TAFA2: variants seen among roughly 807,000 people sequenced by gnomAD.
TAFA2 encodes the protein chemokine-like protein TAFA-2.
A neutral mutation model predicts 18.8 loss-of-function variants in TAFA2; 7 were observed. That is an observed-to-expected ratio of 0.37 (90% confidence interval 0.21 to 0.70). The LOEUF (loss-of-function observed/expected upper bound fraction) is 0.70. Ranked by LOEUF, TAFA2 falls within the 30% of genes least tolerant of loss-of-function variation. The probability of loss-of-function intolerance (pLI) is 0.53; values close to 1 mark genes in which losing one functional copy is unlikely to be tolerated. For missense variants in TAFA2, 122 were observed against 158.1 expected, an observed-to-expected ratio of 0.77 and a Z score of 1.23; for synonymous variants, 60 against 54.2, an observed-to-expected ratio of 1.11 and a Z score of -0.47.
intron 2 of TAFA2, among the ~76,000 whole-genome samples, chr12:61,846,821 A>G (rs1873424345): frequency 1.3e-5 from 2 of 152,190 alleles, no homozygotes; most frequent in African/African-American, 4.8e-5. Flanking sequence ...AGCGATTTCA[A>G]TAACTGTGAC....
At chr12:61,776,568 G>C (rs763575899) in intron 2 of TAFA2, among the ~76,000 whole-genome samples, 1 of 151,752 alleles carries the variant, frequency 6.6e-6, no homozygotes, top group Non-Finnish European at 1.5e-5. Context: ...ATGGGGATTA[G>C]GAAATAATTC....
intron 2 of TAFA2, among the ~76,000 whole-genome samples, chr12:61,784,478 G>T (rs1270110173): frequency 6.6e-6 from 1 of 151,354 alleles, no homozygotes; most frequent in Non-Finnish European, 1.5e-5. Context: ...TAAAGGGTTG[G>T]GTTTCTTCGT....
chr12:62,180,757 G>A (rs1032435266), intron 1 of TAFA2, among the ~76,000 whole-genome samples: 4 of 151,992 alleles, frequency 2.6e-5, no homozygotes, highest in Admixed American at 2.6e-4. Flanking sequence ...TATCATTGAA[G>A]CCAAGAACAA....
chr12:62,143,591 T>C (rs1419956714), intron 1 of TAFA2, among the ~76,000 whole-genome samples: 1 of 152,100 alleles, frequency 6.6e-6, no homozygotes, highest in Admixed American at 6.5e-5. Flanking sequence ...TATGTGAAGG[T>C]AGCTGGCTAG....
intron 1 of TAFA2, among the ~76,000 whole-genome samples, chr12:62,217,685 T>C (rs1156624730): frequency 6.6e-6 from 1 of 152,200 alleles, no homozygotes; most frequent in Non-Finnish European, 1.5e-5. Context: ...TCCCTCGAGG[T>C]GGCTGAAGCC....
chr12:62,070,319 G>A (rs997392346), intron 1 of TAFA2: 1 of 152,124 alleles, frequency 6.6e-6, no homozygotes, highest in Non-Finnish European at 1.5e-5. Context: ...ATGTGAGAGA[G>A]AATATGCTAC....
At chr12:61,710,655 T>C (rs7398155) in intron 4 of TAFA2, among the ~76,000 whole-genome samples, 131,031 of 152,058 alleles carry the variant, frequency 0.86, 56,484 homozygotes, top group African/African-American at 0.9. Context: ...CAAGTGAATA[T>C]AACTGTGACT....
At chr12:61,729,068 C>A (rs1335414996) in intron 4 of TAFA2, among the ~76,000 whole-genome samples, 1 of 151,546 alleles carries the variant, frequency 6.6e-6, no homozygotes, top group African/African-American at 2.4e-5. Flanking sequence ...AAAAATAGCA[C>A]CCCAATCTCT....
At chr12:61,904,344 G>A (rs1432549521) in intron 1 of TAFA2, among the ~76,000 whole-genome samples, 2 of 152,058 alleles carry the variant, frequency 1.3e-5, no homozygotes, top group Non-Finnish European at 2.9e-5. Context: ...GTATTTAAGA[G>A]GCAGAGTAGA....
At chr12:61,950,141 A>G (rs1878416068) in intron 1 of TAFA2, among the ~76,000 whole-genome samples, 1 of 152,116 alleles carries the variant, frequency 6.6e-6, no homozygotes, top group Admixed American at 6.6e-5. Context: ...GCATATATAT[A>G]TCACATTTTT....
At chr12:61,872,207 G>A (rs1242904519) in intron 1 of TAFA2, among the ~76,000 whole-genome samples, 2 of 152,126 alleles carry the variant, frequency 1.3e-5, no homozygotes, top group African/African-American at 4.8e-5. Context: ...GTATAAAGGA[G>A]ATGTATAAAA....
chr12:61,921,593 G>A (rs1266459839), intron 1 of TAFA2, among the ~76,000 whole-genome samples: 1 of 152,046 alleles, frequency 6.6e-6, no homozygotes, highest in Non-Finnish European at 1.5e-5. Flanking sequence ...TTTTTTGTGT[G>A]CAGTGGGATC....
intron 1 of TAFA2, among the ~76,000 whole-genome samples, chr12:62,015,975 G>A (rs554168369): frequency 1.3e-5 from 2 of 152,244 alleles, no homozygotes; most frequent in South Asian, 4.1e-4. Flanking sequence ...TGATGGTAAT[G>A]GTTGCACAAC....
intron 2 of TAFA2, among the ~76,000 whole-genome samples, chr12:61,835,880 A>G (rs1251038798): frequency 6.6e-6 from 1 of 151,952 alleles, no homozygotes; most frequent in Non-Finnish European, 1.5e-5. Flanking sequence ...ACAGCCATGG[A>G]TAAGAGACAG....
At chr12:62,151,353 T>C (rs191205118) in intron 1 of TAFA2, among the ~76,000 whole-genome samples, 24 of 152,322 alleles carry the variant, frequency 1.6e-4, no homozygotes, top group Non-Finnish European at 1.5e-5. Flanking sequence ...TGCGGGTTAG[T>C]CCTTGGTTGA....
intron 1 of TAFA2, among the ~76,000 whole-genome samples, chr12:61,987,113 G>T (rs1315121225): frequency 6.6e-6 from 1 of 152,216 alleles, no homozygotes; most frequent in African/African-American, 2.4e-5. Context: ...TAAGCATCCA[G>T]TGTTGTGAGG....
At chr12:62,043,357 G>A (rs1477629464) in intron 1 of TAFA2, among the ~76,000 whole-genome samples, 3 of 151,668 alleles carry the variant, frequency 2.0e-5, no homozygotes, top group South Asian at 2.1e-4. Flanking sequence ...GCAAACTATC[G>A]CAAGGACAAA....
chr12:61,996,200 T>C (rs1880181655), intron 1 of TAFA2, among the ~76,000 whole-genome samples: 1 of 152,176 alleles, frequency 6.6e-6, no homozygotes, highest in Admixed American at 6.5e-5. Context: ...GTACTGGAGA[T>C]AATCAAAAAG....
At chr12:62,227,505 T>C (rs2062792097) in intron 1 of TAFA2, among the ~76,000 whole-genome samples, 1 of 152,258 alleles carries the variant, frequency 6.6e-6, no homozygotes, top group Admixed American at 6.5e-5. Context: ...GCTGAGTTTC[T>C]CATGCATTCT....
Sources: allele counts gnomAD v4.1 joint callset (sites outside exome capture counted in the v4.1 genomes callset), GRCh38; gene constraint gnomAD v4.1.1; transcripts MANE v1.5; gene names NCBI Gene and HGNC (gene_info 2026-07-23, HGNC 2026-07-21).